Variants in RGL1 observed in about 807,000 individuals in gnomAD.
RGL1 encodes the protein ral guanine nucleotide dissociation stimulator like 1.
A neutral mutation model predicts 95.2 loss-of-function variants in RGL1; 24 were observed. The ratio of observed to expected loss-of-function variants is 0.25; its 90% CI spans 0.18 to 0.35. The LOEUF (loss-of-function observed/expected upper bound fraction) is 0.35. RGL1 is among the 10% of genes least tolerant of loss of function. The pLI is 1.00. For missense variants in RGL1, 715 were observed against 936.3 expected (o/e 0.76, Z 3.08); for synonymous variants, 329 against 344.9 (o/e 0.95, Z 0.51).
chr1:183,844,116 G>T (rs1244443432), intron 2 of RGL1, among the ~76,000 whole-genome samples: 1 of 152,096 alleles, frequency 6.6e-6, no homozygotes, highest in African/African-American at 2.4e-5. Context: ...GTGAGCCACC[G>T]CTCCCATCCT....
intron 1 of RGL1, among the ~76,000 whole-genome samples, chr1:183,718,297 G>A (rs1327141669): frequency 4.0e-5 from 6 of 151,730 alleles, no homozygotes; most frequent in Non-Finnish European, 5.9e-5. Flanking sequence ...GGATGCTGAT[G>A]GAGATCAAAT....
intron 2 of RGL1, among the ~76,000 whole-genome samples, chr1:183,839,695 C>G (rs1294365283): frequency 1.3e-5 from 2 of 152,182 alleles, no homozygotes; most frequent in African/African-American, 2.4e-5. Flanking sequence ...CACAGAGTCT[C>G]AGCTCCTTAG....
intron 1 of RGL1, among the ~76,000 whole-genome samples, chr1:183,712,777 A>G (rs930309641): frequency 3.9e-5 from 6 of 152,332 alleles, no homozygotes; most frequent in Non-Finnish European, 8.8e-5. Flanking sequence ...CTAAAGTAGA[A>G]TGGAATTGTG....
At chr1:183,904,369 G>A (rs1335213594) in intron 12 of RGL1, among the ~76,000 whole-genome samples, 1 of 152,124 alleles carries the variant, frequency 6.6e-6, no homozygotes, top group Non-Finnish European at 1.5e-5. Context: ...ATTTATTGAG[G>A]GGTAAAGGTT....
At chr1:183,648,865 A>G in intron 1 of RGL1, 2 of 1,086,270 alleles carry the variant, frequency 1.8e-6, no homozygotes, top group Non-Finnish European at 1.3e-6. Context: ...AACTGAAGAC[A>G]GTGCATTAAT....
chr1:183,882,484 T>C (rs1287470866), intron 5 of RGL1, among the ~76,000 whole-genome samples: 1 of 152,154 alleles, frequency 6.6e-6, no homozygotes, highest in East Asian at 1.9e-4. Context: ...AGTGCCAGAG[T>C]TGTATGGAGG....
rs913101918 is a variant in RGL1 at position 183,928,162 on chromosome 1, G to GT, written c.*1871dup. 14 of 130,560 alleles carry GT rather than the reference G, an allele frequency of 1.1e-4. No individual in the cohort carries two copies. The highest frequency in any genetic ancestry group is 3.9e-4 in the African/African-American group (14 of 36,032). The allele number at this position is 130,560 out of a possible 1,614,324, so 8.1% of individuals were successfully genotyped here. ...TCAGCCTGATATTCTTGGTGCGAAG[G>GT]TAAAAAAAAAAAAATAAATAAAACC... On this transcript the variant is annotated 3_prime_UTR_variant, in exon 18 of 18. Transcript: ENST00000360851.
intron 1 of RGL1, among the ~76,000 whole-genome samples, chr1:183,664,415 C>T (rs1180767555): frequency 6.6e-6 from 1 of 151,992 alleles, no homozygotes; most frequent in Non-Finnish European, 1.5e-5. Flanking sequence ...AACAATTTTA[C>T]ATGCATCATA....
intron 2 of RGL1, among the ~76,000 whole-genome samples, chr1:183,747,598 C>T (rs1657722724): frequency 6.6e-6 from 1 of 152,148 alleles, no homozygotes; most frequent in Non-Finnish European, 1.5e-5. Context: ...CCTGTTCACT[C>T]TGATGATAGA....
intron 2 of RGL1, among the ~76,000 whole-genome samples, chr1:183,779,657 C>G (rs1157003466): frequency 1.3e-5 from 2 of 152,162 alleles, no homozygotes; most frequent in Non-Finnish European, 2.9e-5. Flanking sequence ...GTAGCCCCCA[C>G]AGTTAATTCT....
chr1:183,694,659 C>A (rs374922463), intron 1 of RGL1, among the ~76,000 whole-genome samples: 7 of 152,336 alleles, frequency 4.6e-5, no homozygotes, highest in African/African-American at 1.7e-4. Context: ...AGTTTACCAT[C>A]TGATTTATAT....
At chr1:183,846,717 T>A (rs1261757912) in intron 2 of RGL1, among the ~76,000 whole-genome samples, 1 of 151,776 alleles carries the variant, frequency 6.6e-6, no homozygotes, top group Non-Finnish European at 1.5e-5. Flanking sequence ...CTGTCTCTCC[T>A]AAAAATGCAA....
At chr1:183,823,927 C>T (rs1159307172) in intron 2 of RGL1, among the ~76,000 whole-genome samples, 1 of 152,114 alleles carries the variant, frequency 6.6e-6, no homozygotes, top group Non-Finnish European at 1.5e-5. Flanking sequence ...GCTAGGACTA[C>T]AGGCCTATGC....
intron 2 of RGL1, among the ~76,000 whole-genome samples, chr1:183,837,003 A>T (rs963685314): frequency 1.3e-5 from 2 of 152,224 alleles, no homozygotes; most frequent in Non-Finnish European, 2.9e-5. Context: ...AAATGTTCCC[A>T]TAGGAATCGC....
chr1:183,726,757 C>T (rs925539696), intron 1 of RGL1, among the ~76,000 whole-genome samples: 8 of 152,070 alleles, frequency 5.3e-5, no homozygotes, highest in Admixed American at 4.6e-4. Flanking sequence ...TTATCCAAAA[C>T]GCTTGGGACC....
chr1:183,713,748 G>A (rs1306149853), intron 1 of RGL1, among the ~76,000 whole-genome samples: 1 of 152,128 alleles, frequency 6.6e-6, no homozygotes, highest in Non-Finnish European at 1.5e-5. Flanking sequence ...AGAACTGTGA[G>A]AAATCATTTC....
intron 1 of RGL1, among the ~76,000 whole-genome samples, chr1:183,720,812 A>T (rs1267918791): frequency 6.6e-6 from 1 of 152,178 alleles, no homozygotes; most frequent in African/African-American, 2.4e-5. Flanking sequence ...GCATAGGAAA[A>T]TGTCTGTTTG....
At chr1:183,751,204 GT>G (rs992150752) in intron 2 of RGL1, among the ~76,000 whole-genome samples, 1 of 152,218 alleles carries the variant, frequency 6.6e-6, no homozygotes, top group African/African-American at 2.4e-5. Flanking sequence ...GGAGATGGGA[GT>G]TTTTTCTATA....
intron 2 of RGL1, among the ~76,000 whole-genome samples, chr1:183,777,771 A>G (rs746074447): frequency 3.3e-5 from 5 of 152,236 alleles, no homozygotes; most frequent in Non-Finnish European, 7.3e-5. Context: ...TAATTACATG[A>G]CAAAGTTCCT....
Sources: gnomAD v4.1 joint callset for allele counts (sites outside exome capture counted in the v4.1 genomes callset) on GRCh38, gnomAD v4.1.1 for gene constraint, MANE v1.5 for transcripts, NCBI Gene and HGNC (gene_info 2026-07-23, HGNC 2026-07-21) for gene names.